ANKFN1: variants seen among roughly 807,000 people sequenced by gnomAD.
ANKFN1 encodes ankyrin repeat and fibronectin type-III domain-containing protein 1.
ANKFN1 carries 74 observed loss-of-function variants against 108.7 expected under a neutral mutation model. The ratio of observed to expected loss-of-function variants is 0.68; its 90% CI spans 0.56 to 0.83. The LOEUF (loss-of-function observed/expected upper bound fraction) is 0.83. ANKFN1 is among the 40% of genes least tolerant of loss of function. The probability of loss-of-function intolerance (pLI) is 0.00; values close to 1 mark genes in which losing one functional copy is unlikely to be tolerated. For synonymous variants in ANKFN1, 547 were observed against 516.2 expected (o/e 1.06, Z -0.81); for missense variants, 1,505 against 1,382.3 (o/e 1.09, Z -1.41).
chr17:56,426,290 T>C (rs1193737084), intron 8 of ANKFN1, among the ~76,000 whole-genome samples: 3 of 152,250 alleles, frequency 2.0e-5, no homozygotes, highest in Non-Finnish European at 4.4e-5. Flanking sequence ...CCACAGTCAG[T>C]GACCTCTTTT....
At chr17:56,376,236 C>A (rs1269138121) in intron 8 of ANKFN1, among the ~76,000 whole-genome samples, 1 of 152,148 alleles carries the variant, frequency 6.6e-6, no homozygotes, top group African/African-American at 2.4e-5. Flanking sequence ...CTGCCCACAC[C>A]CTGTAGCTTT....
chr17:56,057,331 T>C (rs935320323), intron 4 of ANKFN1, among the ~76,000 whole-genome samples: 1 of 152,192 alleles, frequency 6.6e-6, no homozygotes, highest in Non-Finnish European at 1.5e-5. Context: ...GTGTTCTTAA[T>C]GGCATCTAGA....
chr17:56,453,039 C>A (rs1248346379), intron 11 of ANKFN1, among the ~76,000 whole-genome samples: 2 of 152,068 alleles, frequency 1.3e-5, no homozygotes, highest in Non-Finnish European at 2.9e-5. Flanking sequence ...TTCTTAAAAG[C>A]AATTTCTTCC....
At chr17:56,183,637 C>A (rs1354533008) in intron 1 of ANKFN1, among the ~76,000 whole-genome samples, 1 of 152,132 alleles carries the variant, frequency 6.6e-6, no homozygotes, top group Non-Finnish European at 1.5e-5. Context: ...TAAAAATTCC[C>A]TGAGACCTCA....
intron 1 of ANKFN1, among the ~76,000 whole-genome samples, chr17:56,193,366 A>G (rs1913177754): frequency 6.6e-6 from 1 of 150,818 alleles, no homozygotes; most frequent in Non-Finnish European, 1.5e-5. Context: ...ACTAACCTGC[A>G]CAATGTGCAC....
chr17:56,047,824 C>G (rs1218769357), intron 4 of ANKFN1, among the ~76,000 whole-genome samples: 1 of 152,120 alleles, frequency 6.6e-6, no homozygotes, highest in East Asian at 1.9e-4. Context: ...AGTGGTGTGC[C>G]TTGGCAGACA....
intron 1 of ANKFN1, among the ~76,000 whole-genome samples, chr17:56,163,645 T>C (rs1909887342): frequency 6.6e-6 from 1 of 152,232 alleles, no homozygotes; most frequent in African/African-American, 2.4e-5. Flanking sequence ...CCTGAAAGTT[T>C]AGAGGTAGTT....
intron 8 of ANKFN1, among the ~76,000 whole-genome samples, chr17:56,387,494 G>T (rs1294077055): frequency 6.6e-6 from 1 of 152,126 alleles, no homozygotes; most frequent in Admixed American, 6.6e-5. Flanking sequence ...ATTTTATTAT[G>T]CACATATCAT....
intron 4 of ANKFN1, among the ~76,000 whole-genome samples, chr17:56,128,482 T>C: frequency 6.6e-6 from 1 of 152,182 alleles, no homozygotes; most frequent in East Asian, 1.9e-4. Flanking sequence ...TCGTTGAGTA[T>C]AGGAGTATAG....
At chr17:56,426,845 G>A (rs1282650015) in intron 8 of ANKFN1, among the ~76,000 whole-genome samples, 1 of 152,198 alleles carries the variant, frequency 6.6e-6, no homozygotes, top group African/African-American at 2.4e-5. Context: ...ACATCAGCCA[G>A]TCTGATCATC....
chr17:56,184,152 C>T (rs1911961740), intron 1 of ANKFN1, among the ~76,000 whole-genome samples: 1 of 152,132 alleles, frequency 6.6e-6, no homozygotes, highest in African/African-American at 2.4e-5. Context: ...GGGTAAAATG[C>T]TATCTTTCTA....
intron 3 of ANKFN1, among the ~76,000 whole-genome samples, chr17:56,314,856 GA>G (rs1395273673): frequency 6.6e-6 from 1 of 152,120 alleles, no homozygotes; most frequent in Non-Finnish European, 1.5e-5. Context: ...GTAGACAAAA[GA>G]AGACATGAAT....
intron 4 of ANKFN1, among the ~76,000 whole-genome samples, chr17:56,128,215 C>T (rs1266146696): frequency 1.3e-5 from 2 of 148,276 alleles, no homozygotes; most frequent in Non-Finnish European, 3.0e-5. Flanking sequence ...TTTTACCTCC[C>T]TCCTGGAAGC....
intron 2 of ANKFN1, among the ~76,000 whole-genome samples, chr17:56,215,003 C>A (rs1915320211): frequency 6.6e-6 from 1 of 152,222 alleles, no homozygotes; most frequent in African/African-American, 2.4e-5. Context: ...AATAAGTCCC[C>A]ATCCACATAA....
Position 56,372,696 on chromosome 17 carries a change from G to A in ANKFN1, c.652G>A (p.Ala218Thr). The A allele has an allele frequency of 6.2e-7, 1 of 1,613,994 alleles. No individual in the cohort carries two copies. ...AMHLNTLVQE[A>T]QERVSELSAQ... ...GCACCTCAACACACTGGTCCAGGAA[G>A]CCCAGGAGAGGGTGAGTGAACTGTC... Residue 218 changes from alanine (A) to threonine (T), a missense_variant, in exon 7 of 21, where the codon GCC becomes ACC. Physicochemically the swap from Ala to Thr is moderately conservative, Grantham distance 58. Transcript: ENST00000682825.
At chr17:56,357,357 A>G (rs1005401960) in intron 6 of ANKFN1, among the ~76,000 whole-genome samples, 2 of 152,346 alleles carry the variant, frequency 1.3e-5, no homozygotes, top group Admixed American at 6.5e-5. Context: ...TGAGAAGTTA[A>G]CTGACTGGCC....
intron 6 of ANKFN1, among the ~76,000 whole-genome samples, chr17:56,361,009 A>G (rs1216883254): frequency 6.6e-6 from 1 of 152,078 alleles, no homozygotes; most frequent in Non-Finnish European, 1.5e-5. Context: ...CCCCTAGCCC[A>G]TAGCAACCAC....
intron 16 of ANKFN1, among the ~76,000 whole-genome samples, chr17:56,477,867 A>T (rs1267387623): frequency 2.0e-5 from 3 of 151,886 alleles, no homozygotes; most frequent in Non-Finnish European, 4.4e-5. Context: ...CACTCTTGTT[A>T]CCCAGGCTGG....
chr17:56,287,292 G>A (rs112975649), intron 3 of ANKFN1, among the ~76,000 whole-genome samples: 36 of 152,146 alleles, frequency 2.4e-4, no homozygotes, highest in Non-Finnish European at 4.4e-4. Context: ...TCTGAGCCCA[G>A]ACTTTGGATT....
Sources: gnomAD v4.1 joint callset for allele counts (sites outside exome capture counted in the v4.1 genomes callset) on GRCh38, gnomAD v4.1.1 for gene constraint, MANE v1.5 for transcripts, NCBI Gene and HGNC (gene_info 2026-07-23, HGNC 2026-07-21) for gene names.